PARP4: variants seen among roughly 807,000 people sequenced by gnomAD.
The protein encoded by PARP4 is poly(ADP-ribose) polymerase family member 4, also known as protein mono-ADP-ribosyltransferase PARP4.
Under a neutral mutation model 187.7 loss-of-function variants are expected in PARP4, and 120 were observed. The observed-to-expected ratio is 0.64, with a 90% confidence interval of 0.55 to 0.74. The LOEUF (loss-of-function observed/expected upper bound fraction) is 0.74. Ranked by LOEUF, PARP4 falls within the 30% of genes least tolerant of loss-of-function variation. The pLI is 0.00. For synonymous variants in PARP4, 654 were observed against 740.9 expected (o/e 0.88, Z 1.90); for missense variants, 1,836 against 2,070.5 (o/e 0.89, Z 2.20).
intron 33 of PARP4, among the ~76,000 whole-genome samples, chr13:24,424,795 C>T (rs1389888023): frequency 6.6e-6 from 1 of 151,486 alleles, no homozygotes; most frequent in Non-Finnish European, 1.5e-5. Flanking sequence ...CCTCAGCCTC[C>T]CCAGTACCTG....
chr13:24,456,624 T>C, intron 20 of PARP4, 146 bp from the exon 21 acceptor site: 2 of 677,966 alleles, frequency 3.0e-6, no homozygotes, highest in Non-Finnish European at 4.4e-6. Flanking sequence ...TCCAAAATAA[T>C]GAAATGTAGG....
intron 17 of PARP4, among the ~76,000 whole-genome samples, chr13:24,465,518 G>C (rs1872418037): frequency 6.6e-6 from 1 of 152,148 alleles, no homozygotes; most frequent in Non-Finnish European, 1.5e-5. Flanking sequence ...ACTAACACAG[G>C]AACAGAAAAC....
intron 2 of PARP4, among the ~76,000 whole-genome samples, chr13:24,502,747 C>T (rs1241806884): frequency 6.6e-6 from 1 of 152,172 alleles, no homozygotes; most frequent in South Asian, 2.1e-4. Context: ...AGAGCAGGCA[C>T]GAATTACTCA....
At chr13:24,459,348 T>C (rs1872064555) in intron 18 of PARP4, 38 bp from the exon 19 acceptor site, 1 of 1,483,246 alleles carries the variant, frequency 6.7e-7, no homozygotes, top group African/African-American at 1.4e-5. Flanking sequence ...ACTAAGCATA[T>C]ATTAAGTTTC....
At chr13:24,437,369 A>AT (rs1456127492) in intron 30 of PARP4, among the ~76,000 whole-genome samples, 1 of 152,208 alleles carries the variant, frequency 6.6e-6, no homozygotes, top group Admixed American at 6.5e-5. Context: ...AAACACAAAG[A>AT]TTAAAAATTT....
intron 11 of PARP4, among the ~76,000 whole-genome samples, chr13:24,485,404 A>C (rs1183932427): frequency 6.6e-6 from 1 of 152,226 alleles, no homozygotes; most frequent in Admixed American, 6.5e-5. Flanking sequence ...TCATGATTGC[A>C]CTAAATCTAT....
At chr13:24,445,835 G>A (rs780984134) in intron 27 of PARP4, among the ~76,000 whole-genome samples, 1 of 152,140 alleles carries the variant, frequency 6.6e-6, no homozygotes, top group African/African-American at 2.4e-5. Context: ...CTTGCTACCG[G>A]TGTCTGGAGT....
intron 4 of PARP4, among the ~76,000 whole-genome samples, chr13:24,499,610 C>G (rs1469640714): frequency 6.6e-6 from 1 of 152,076 alleles, no homozygotes; most frequent in African/African-American, 2.4e-5. Flanking sequence ...GCTCAGATAC[C>G]CAGCACTGTA....
intron 17 of PARP4, among the ~76,000 whole-genome samples, chr13:24,464,441 A>G (rs1379956927): frequency 6.6e-6 from 1 of 152,222 alleles, no homozygotes; most frequent in Non-Finnish European, 1.5e-5. Context: ...TACTGGTACA[A>G]AAATAGACAC....
Position 24,460,082 on chromosome 13 carries a change from T to G in PARP4, c.2188A>C (p.Lys730Gln), listed in dbSNP as rs142800476. The part of the protein sequence containing the change: ...NLPPKAKVLI[K>Q]ITYITELSIL... ...CTGAGTTCTGTGATGTAGGTAATTT[T>G]TATAAGAACCTTAGCCTTAGGGGGT... Residue 730 changes from lysine (K) to glutamine (Q), a missense_variant, in exon 18 of 34, where the codon AAA becomes CAA. Physicochemically the swap from Lys to Gln is moderately conservative, Grantham distance 53 (BLOSUM62 1). This residue lies in a region of PARP4 where 1,147 missense variants were observed against 1,214.2 expected (regional missense o/e 0.94). Coordinates refer to ENST00000381989, the MANE Select transcript of PARP4 (RefSeq NM_006437.4). 3.1e-6 allele frequency: 5 copies of G among 1,614,074 alleles called. No individual in the cohort carries two copies. The African/African-American group carries it at 5.3e-5, about 17-fold the overall frequency.
chr13:24,454,811 C>A (rs952306908), intron 22 of PARP4, among the ~76,000 whole-genome samples: 1 of 152,112 alleles, frequency 6.6e-6, no homozygotes, highest in Non-Finnish European at 1.5e-5. Context: ...TCAAGTAGTG[C>A]GCCCAAGGTG....
chr13:24,477,875 C>T lies in PARP4; in HGVS notation c.1633-18G>A. 1 of 1,531,500 alleles carries T rather than the reference C, an allele frequency of 6.5e-7. No homozygotes were observed. The highest frequency in any genetic ancestry group is 8.8e-7 in the Non-Finnish European group (1 of 1,137,992). The allele number at this position is 1,531,500 out of a possible 1,614,324, so 94.9% of individuals were successfully genotyped here. On this transcript the variant is annotated intron_variant, in intron 13 of 33. Coordinates refer to ENST00000381989, the MANE Select transcript of PARP4 (RefSeq NM_006437.4). Reference sequence around the variant, plus strand: ...TCATCATCCTAGAGCAAACAGAAATCAGTAGGTGATTAACAACAGAAGCAA... The same window carrying T: ...TCATCATCCTAGAGCAAACAGAAATTAGTAGGTGATTAACAACAGAAGCAA...
At chr13:24,444,389 A>T (rs1404057098) in intron 27 of PARP4, among the ~76,000 whole-genome samples, 2 of 152,312 alleles carry the variant, frequency 1.3e-5, no homozygotes, top group Non-Finnish European at 2.9e-5. Flanking sequence ...CAAAGATCTA[A>T]TTTTTAAAGC....
Position 24,446,757 on chromosome 13 carries a change from G to C in PARP4, c.3290C>G (p.Thr1097Ser). Residue 1097 changes from threonine to serine, a missense_variant, in exon 27 of 34, where the codon ACT becomes AGT. Physicochemically the swap from Thr to Ser is moderately conservative, Grantham distance 58. This residue lies in a region of PARP4 where 56 missense variants were observed against 56.6 expected (regional missense o/e 0.99). Coordinates refer to ENST00000381989, the MANE Select transcript of PARP4 (RefSeq NM_006437.4). ...TTTCTCTTGAATTAGTGCACACAGA[G>C]TTGCCTGAAATGGGGAAAAAAATAA... ...YGFIPHCTQA[T>S]LCALIQEKEF... 2 of 1,585,922 alleles carry C rather than the reference G, an allele frequency of 1.3e-6. No homozygotes were observed. Among genetic ancestry groups the C allele is most frequent in the Non-Finnish European group, 1.7e-6 (2 of 1,154,648 alleles).
At chr13:24,485,622 T>C (rs143930528) in intron 11 of PARP4, among the ~76,000 whole-genome samples, 132 of 152,324 alleles carry the variant, frequency 8.7e-4, no homozygotes, top group Middle Eastern at 6.8e-3. Context: ...TCAGCCCTAA[T>C]ATTAAGTAGT....
At chr13:24,443,759 T>G in intron 27 of PARP4, 29 bp from the exon 28 acceptor site, 1 of 1,456,420 alleles carries the variant, frequency 6.9e-7, no homozygotes, top group Non-Finnish European at 9.6e-7. Context: ...GGAAAAAAAA[T>G]ATTCACATGG....
In PARP4 at chr13:24,501,801, G is replaced by T; in HGVS notation, c.166C>A (p.Leu56Met). The T allele has an allele frequency of 6.2e-7, 1 of 1,612,006 alleles. No homozygotes were observed. Among genetic ancestry groups the T allele is most frequent in the Non-Finnish European group, 8.5e-7 (1 of 1,178,268 alleles). Residue 56 changes from leucine to methionine, a missense_variant, in exon 3 of 34, where the codon CTG becomes ATG. Physicochemically the swap from Leu to Met is conservative, Grantham distance 15 (BLOSUM62 2). This residue lies in a region of PARP4 where 1,147 missense variants were observed against 1,214.2 expected (regional missense o/e 0.94). Transcript: ENST00000381989. ...ATAGAATTCAGTTGGTACTGACTCAGAACATCAGCATTATCTAAGATTATA... is the reference window on the plus strand; with the variant it reads ...ATAGAATTCAGTTGGTACTGACTCATAACATCAGCATTATCTAAGATTATA... Reference protein sequence around the residue: ...THIILDNADVLSQYQLNSIQK... With the variant: ...THIILDNADVMSQYQLNSIQK...
Position 24,494,062 on chromosome 13 carries a change from C to T in PARP4, c.742-329G>A, listed in dbSNP as rs563436940. The stretch of plus-strand genomic sequence containing the variant: ...TGGCCTAGGTTGTAAAGACATCTCC[C>T]AAAAGCTGGGAGGGTCTGCTGCTGA... On this transcript the variant is annotated intron_variant, in intron 7 of 33. Coordinates refer to ENST00000381989, the MANE Select transcript of PARP4 (RefSeq NM_006437.4). 1.8e-4 allele frequency among the ~76,000 whole-genome samples: 28 copies of T among 152,310 alleles called. No individual in the cohort carries two copies. The South Asian group carries it at 4.8e-3, about 26-fold the overall frequency.
Position 24,484,731 on chromosome 13 carries a change from T to C in PARP4, c.1370A>G (p.Lys457Arg), listed in dbSNP as rs769551346. ...GILCRGLLLPKVVEDRGVQRT... is the reference protein window; with the variant it reads ...GILCRGLLLPRVVEDRGVQRT... Reference sequence around the variant, plus strand: ...TTGCACACCACGATCTTCCACTACTTTGGGTAAAAGCAACCCTCTGAAAAG... The same window carrying C: ...TTGCACACCACGATCTTCCACTACTCTGGGTAAAAGCAACCCTCTGAAAAG... The change falls in exon 12 of 34, where the codon AAA becomes AGA. Residue 457 changes from lysine to arginine, a missense_variant. Lys to Arg is a conservative substitution (Grantham distance 26, BLOSUM62 2). Around this residue, in one of 8 missense-constraint regions of PARP4, gnomAD observed 1,147 missense variants for 1,214.2 expected, o/e 0.94. Coordinates refer to ENST00000381989, the MANE Select transcript of PARP4 (RefSeq NM_006437.4). 3.7e-6 allele frequency: 6 copies of C among 1,602,548 alleles called. No homozygotes were observed. In the South Asian group the frequency reaches 4.4e-5, roughly 12 times the overall value.
Sources: allele counts gnomAD v4.1 joint callset (sites outside exome capture counted in the v4.1 genomes callset), GRCh38; gene constraint gnomAD v4.1.1; regional missense constraint gnomAD v4.1.1; transcripts MANE v1.5; gene names NCBI Gene and HGNC (gene_info 2026-07-23, HGNC 2026-07-21).